The following ANKRD24 variants were observed in gnomAD, a reference collection of about 807,000 sequenced individuals.
ANKRD24 encodes ankyrin repeat domain-containing protein 24.
A neutral mutation model predicts 127.8 loss-of-function variants in ANKRD24; 109 were observed. The observed-to-expected ratio is 0.85, with a 90% CI of 0.73 to 1.00. ANKRD24 has a LOEUF of 1.00. Among genes scored for constraint, ANKRD24 ranks in the 50% least tolerant of loss-of-function variants. The pLI, the probability that ANKRD24 is intolerant of heterozygous loss-of-function variation, is 0.00. For missense variants in ANKRD24, 1,648 were observed against 1,570.2 expected, an observed-to-expected ratio of 1.05 and a Z score of -0.84; for synonymous variants, 743 against 671.1, an observed-to-expected ratio of 1.11 and a Z score of -1.66.
chr19:4,193,845 G>GAGGGAAGGAGGGAGGGAGGGAGGGAGGGA (rs573649233), intron 2 of ANKRD24, among the ~76,000 whole-genome samples: 1 of 40,590 alleles, frequency 2.5e-5, no homozygotes, highest in Non-Finnish European at 4.3e-5. Flanking sequence ...GGGAGGGAGG[G>GAGGGAAGGAGGGAGGGAGGGAGGGAGGGA]AGGAAGGAAG....
At chr19:4,222,971 G>A (rs557938309) in intron 20 of ANKRD24, among the ~76,000 whole-genome samples, 176 bp downstream of exon 20, 4 of 152,088 alleles carry the variant, frequency 2.6e-5, no homozygotes, top group Non-Finnish European at 5.9e-5. Context: ...TTTGAGACAG[G>A]GTCTCACTCC....
chr19:4,205,926 A>C (rs991400100), intron 7 of ANKRD24, among the ~76,000 whole-genome samples: 1 of 149,598 alleles, frequency 6.7e-6, no homozygotes, highest in Non-Finnish European at 1.5e-5. Context: ...GTGGATCACG[A>C]GCTCAGGCAA....
chr19:4,211,093 A>G (rs1302215412), intron 13 of ANKRD24, among the ~76,000 whole-genome samples: 1 of 151,746 alleles, frequency 6.6e-6, no homozygotes, highest in Non-Finnish European at 1.5e-5. Context: ...GCGGCCTCCT[A>G]AAGTGCTGGG....
At chr19:4,209,426 T>TG (rs1969577703) in intron 11 of ANKRD24, among the ~76,000 whole-genome samples, 3 of 147,974 alleles carry the variant, frequency 2.0e-5, no homozygotes, top group Admixed American at 1.3e-4. Context: ...AGTTTTTTTT[T>TG]TTTGTTGTTG....
At chr19:4,220,886 C>T (rs115753686) in intron 19 of ANKRD24, among the ~76,000 whole-genome samples, 100 of 150,532 alleles carry the variant, frequency 6.6e-4, no homozygotes, top group African/African-American at 2.3e-3. Context: ...CTTCCTGCAA[C>T]GCTAAAAGCC....
In ANKRD24 at chr19:4,208,778, G is replaced by A. The variant is rs760745612; in HGVS notation, c.847G>A (p.Asp283Asn). 5 of 1,613,116 alleles carry A rather than the reference G, an allele frequency of 3.1e-6. No homozygotes were observed. Among genetic ancestry groups the A allele is most frequent in the Non-Finnish European group, 4.2e-6 (5 of 1,179,582 alleles). Residue 283 changes from aspartate to asparagine, a missense_variant, in exon 11 of 22, where the codon GAT becomes AAT. Asp to Asn is a conservative substitution (Grantham distance 23). Coordinates refer to ENST00000318934, the MANE Select transcript of ANKRD24 (RefSeq NM_001393985.1). ...PSPPSALTED[D>N]SGEASSQNSM... ...TCTCTCCCCAGCCCTCACAGAGGAT[G>A]ATTCAGGCGAGGCGTCATCTCAGGT...
At chr19:4,201,686 C>T (rs142552767) in intron 5 of ANKRD24, among the ~76,000 whole-genome samples, 6 of 152,030 alleles carry the variant, frequency 3.9e-5, no homozygotes, top group Non-Finnish European at 5.9e-5. Flanking sequence ...GAGTTCAAGA[C>T]GAGCTTGGGC....
chr19:4,204,345 A>AGCCCATT (rs1471193136), intron 7 of ANKRD24, among the ~76,000 whole-genome samples: 1 of 152,134 alleles, frequency 6.6e-6, no homozygotes, highest in East Asian at 1.9e-4. Context: ...ACAGGCTATT[A>AGCCCATT]GCCCATTGCA....
chr19:4,189,848 C>T (rs181423645), intron 2 of ANKRD24, among the ~76,000 whole-genome samples: 1 of 152,156 alleles, frequency 6.6e-6, no homozygotes, highest in African/African-American at 2.4e-5. Flanking sequence ...GACACCTGCT[C>T]AAGGTCACAC....
Position 4,216,946 on chromosome 19 carries a change from G to T in ANKRD24, c.1786G>T (p.Val596Phe), listed in dbSNP as rs778225924. The T allele has an allele frequency of 3.1e-6, 5 of 1,611,954 alleles. No homozygotes were observed. In the East Asian group the frequency reaches 8.9e-5, roughly 29 times the overall value. ...GGGAGCTGAGGCCACAGGAGCCAAGGTCACAGAAACAAAACCCACAGGGGC... is the reference window on the plus strand; with the variant it reads ...GGGAGCTGAGGCCACAGGAGCCAAGTTCACAGAAACAAAACCCACAGGGGC... ...ATGAEATGAK[V>F]TETKPTGAEV... The change falls in exon 18 of 22, where the codon GTC (valine) becomes TTC (phenylalanine). Residue 596 changes from valine to phenylalanine, a missense_variant. By Grantham distance (50) the Val-to-Phe change is conservative. Coordinates refer to ENST00000318934, the MANE Select transcript of ANKRD24 (RefSeq NM_001393985.1).
At chr19:4,218,259 T>C in intron 18 of ANKRD24, 96 bp downstream of exon 18, 1 of 1,107,912 alleles carries the variant, frequency 9.0e-7, no homozygotes, top group Non-Finnish European at 1.2e-6. Context: ...AACCCATCAG[T>C]TTTACTTGAA....
At chr19:4,188,620 G>A (rs1005428060) in intron 2 of ANKRD24, among the ~76,000 whole-genome samples, 1 of 151,914 alleles carries the variant, frequency 6.6e-6, no homozygotes, top group Admixed American at 6.6e-5. Context: ...GGCCTCAAGC[G>A]ATCCTCCTAA....
Position 4,186,477 on chromosome 19 carries a change from T to C in ANKRD24, c.36+16T>C, listed in dbSNP as rs367598677. 8.2e-6 allele frequency: 13 copies of C among 1,587,802 alleles called. No individual in the cohort carries two copies. The highest frequency in any genetic ancestry group is 9.4e-6 in the Non-Finnish European group (11 of 1,167,034). On this transcript the variant is annotated intron_variant, in intron 2 of 21. Coordinates refer to ENST00000318934, the MANE Select transcript of ANKRD24 (RefSeq NM_001393985.1). ...GAAGACAGAGGTGAGTGTGAGGCCC[T>C]AGATGCCCGATACACCCCTGCAACT...
At chr19:4,193,845 G>GAGGGAGGGAGGGAGGGA (rs573649233) in intron 2 of ANKRD24, among the ~76,000 whole-genome samples, 10,364 of 40,534 alleles carry the variant, frequency 0.26, 2,277 homozygotes, top group South Asian at 0.4. Flanking sequence ...GGGAGGGAGG[G>GAGGGAGGGAGGGAGGGA]AGGAAGGAAG....
intron 7 of ANKRD24, among the ~76,000 whole-genome samples, chr19:4,206,556 G>A (rs776067473): frequency 6.6e-6 from 1 of 152,034 alleles, no homozygotes; most frequent in Non-Finnish European, 1.5e-5. Flanking sequence ...CCCCTTGGGA[G>A]GCCGAGGCAG....
At chr19:4,190,439 A>T (rs1021267661) in intron 2 of ANKRD24, among the ~76,000 whole-genome samples, 37 of 145,778 alleles carry the variant, frequency 2.5e-4, no homozygotes, top group Middle Eastern at 4.1e-3. Flanking sequence ...AAAAAAAAAA[A>T]TCTGGCTCGG....
At position 4,195,773 on chromosome 19, in the gene ANKRD24, A is replaced by G. The variant is rs768590747; in HGVS notation, c.37-3910A>G. Among the ~76,000 whole-genome samples the G allele has an allele frequency of 6.6e-6, 1 of 152,156 alleles. No individual in the cohort carries two copies. Among genetic ancestry groups the G allele is most frequent in the African/African-American group, 2.4e-5 (1 of 41,462 alleles). ...GCTAGGCGTGGTGGCGTGTGCCTGT[A>G]ATCCCAGCTACTCGGGAAGCTGAAG... On this transcript the variant is annotated intron_variant, in intron 2 of 21. Coordinates refer to ENST00000318934, the MANE Select transcript of ANKRD24 (RefSeq NM_001393985.1). This position sits in a 1 kb window ranked among gnomAD's most constrained non-coding sequence, Gnocchi z 4.2.
chr19:4,196,541 A>G lies in ANKRD24; in HGVS notation c.37-3142A>G, dbSNP rs538895408. 3.3e-5 allele frequency among the ~76,000 whole-genome samples: 5 copies of G among 152,026 alleles called. No individual in the cohort carries two copies. In the South Asian group the frequency reaches 1.0e-3, roughly 32 times the overall value. ...AGGCGCCCGCTACCACACCTGGCTAATTTTTGCATTTTTAGTAGAGACGAA... is the reference window on the plus strand; with the variant it reads ...AGGCGCCCGCTACCACACCTGGCTAGTTTTTGCATTTTTAGTAGAGACGAA... On this transcript the variant is annotated intron_variant, in intron 2 of 21. Transcript: ENST00000318934.
intron 7 of ANKRD24, 168 bp from the exon 8 acceptor site, chr19:4,207,074 G>A (rs780374528): frequency 1.6e-6 from 1 of 608,406 alleles, no homozygotes; most frequent in African/African-American, 2.0e-5. Context: ...ACCACACCCA[G>A]ATAATGTTTG....
Sources: gnomAD v4.1 joint callset for allele counts (sites outside exome capture counted in the v4.1 genomes callset) on GRCh38, gnomAD v4.1.1 for gene constraint, Gnocchi (gnomAD v3.1) non-coding constraint, MANE v1.5 for transcripts, NCBI Gene and HGNC (gene_info 2026-07-23, HGNC 2026-07-21) for gene names.